Variants in NTAN1 observed in about 807,000 individuals in gnomAD.
NTAN1 encodes the protein N-terminal asparagine amidase.
In NTAN1, 32 loss-of-function variants were observed where a neutral mutation model predicts 41.9. That is an observed-to-expected ratio of 0.76 (90% CI 0.58 to 1.03). NTAN1 has a LOEUF of 1.03. Ranked by LOEUF, NTAN1 falls within the 50% of genes least tolerant of loss-of-function variation. The pLI is 0.00. For missense variants in NTAN1, 377 were observed against 377.5 expected (o/e 1.00, Z 0.01); for synonymous variants, 140 against 139.5 (o/e 1.00, Z -0.03).
At position 15,038,627 on chromosome 16, in the gene NTAN1, G is replaced by A; in HGVS notation, c.700C>T (p.Pro234Ser). Residue 234 changes from proline (P) to serine (S), a missense_variant, in exon 9 of 10, where the codon CCA becomes TCA. Pro to Ser is a moderately conservative substitution (Grantham distance 74). Transcript: ENST00000287706. Reference protein sequence around the residue: ...QLRIGPYSWTPFPHVDFWLHQ... With the variant: ...QLRIGPYSWTSFPHVDFWLHQ... ...AACCAGAAATCCACATGTGGAAATGGTGTCCAGGAGTACGGTCCTATACGA... is the reference window on the plus strand; with the variant it reads ...AACCAGAAATCCACATGTGGAAATGATGTCCAGGAGTACGGTCCTATACGA... 1 of 1,610,254 alleles carries A rather than the reference G, an allele frequency of 6.2e-7. No individual in the cohort carries two copies.
chr16:15,038,873 G>A (rs1211172767), intron 8 of NTAN1, among the ~76,000 whole-genome samples, 186 bp from the exon 9 acceptor site: 1 of 152,162 alleles, frequency 6.6e-6, no homozygotes, highest in Non-Finnish European at 1.5e-5. Context: ...TGCACACTGT[G>A]GGGCACGCAC....
Position 15,047,495 on chromosome 16 carries a change from G to T in NTAN1, c.306C>A (p.Val102=). The T allele has an allele frequency of 1.2e-6, 2 of 1,614,058 alleles. No homozygotes were observed. Among genetic ancestry groups the T allele is most frequent in the Non-Finnish European group, 1.7e-6 (2 of 1,179,902 alleles). ...ATTTTATGGAGTTCATGATCAAGGG[G>T]ACCTCAGCTTTGGTGTCGGTTCCGT... ...HCDGTDTKAE[V]PLIMNSIKSF... is the part of the protein sequence containing the mutation. Residue 102 remains valine, a synonymous_variant, in exon 4 of 10, where the codon GTC becomes GTA. Transcript: ENST00000287706.
rs745545400 is a variant in NTAN1 at position 15,048,378 on chromosome 16, T to TTTTG, written c.82-283_82-280dup. Among the ~76,000 whole-genome samples the TTTTG allele has an allele frequency of 5.3e-5, 8 of 152,236 alleles. No individual in the cohort carries two copies. In the Middle Eastern group the frequency reaches 0.01, roughly 196 times the overall value. ...GATGCAAAAATCCTTTATTATAGTT[T>TTTTG]TTTGTTTGTTTGTTTGTTTTTTAAA... On this transcript the variant is annotated intron_variant, in intron 1 of 9. Transcript: ENST00000287706.
chr16:15,055,840 T>G lies in NTAN1; in HGVS notation c.81+51A>C, dbSNP rs1036699043. 5 of 1,020,652 alleles carry G rather than the reference T, an allele frequency of 4.9e-6. No homozygotes were observed. The African/African-American group carries it at 8.3e-5, about 17-fold the overall frequency. The allele number at this position is 1,020,652 out of a possible 1,614,324, so 63.2% of individuals were successfully genotyped here. On this transcript the variant is annotated intron_variant, in intron 1 of 9. Coordinates refer to ENST00000287706, the MANE Select transcript of NTAN1 (RefSeq NM_173474.4). ...GCGTGAGGGGGGCGCTAGCCCGCCC[T>G]GCAGCTTCCCCTCGGGCCCGCCCCG... is the stretch of plus-strand genomic sequence containing the variant.
At chr16:15,040,995 T>G in intron 7 of NTAN1, 73 bp downstream of exon 7, 1 of 1,018,206 alleles carries the variant, frequency 9.8e-7, no homozygotes, top group Non-Finnish European at 1.6e-6. Flanking sequence ...AGTGGGGTCA[T>G]TGGTTTGCTG....
Position 15,055,872 on chromosome 16 carries a change from C to G in NTAN1, c.81+19G>C, listed in dbSNP as rs1324535697. On this transcript the variant is annotated intron_variant, in intron 1 of 9. Transcript: ENST00000287706. Reference sequence around the variant, plus strand: ...TCCCCTCGGGCCCGCCCCGAAGCCCCGCGCCGCGCCCCACTCACCTCCAAA... The same window carrying G: ...TCCCCTCGGGCCCGCCCCGAAGCCCGGCGCCGCGCCCCACTCACCTCCAAA... 1 of 1,212,586 alleles carries G rather than the reference C, an allele frequency of 8.2e-7. No homozygotes were observed. 75.1% of individuals were successfully genotyped at this position (1,212,586 alleles called of 1,614,324 possible).
intron 8 of NTAN1, 43 bp downstream of exon 8, chr16:15,039,926 C>CTT (rs34345533): frequency 2.0e-3 from 1,977 of 1,006,952 alleles, no homozygotes; most frequent in Admixed American, 2.6e-3. Flanking sequence ...CATTTGATGC[C>CTT]TTTTTTTTTT....
At chr16:15,051,478 T>G (rs1236024409) in intron 1 of NTAN1, among the ~76,000 whole-genome samples, 6 of 149,982 alleles carry the variant, frequency 4.0e-5, no homozygotes, top group Non-Finnish European at 8.9e-5. Flanking sequence ...CCCAAGGAGC[T>G]GGGAACTACA....
chr16:15,053,271 T>C (rs1045575732), intron 1 of NTAN1, among the ~76,000 whole-genome samples: 4 of 152,212 alleles, frequency 2.6e-5, no homozygotes, highest in African/African-American at 9.6e-5. Context: ...TTTCCCAGCC[T>C]CTCTGTGCCC....
intron 1 of NTAN1, among the ~76,000 whole-genome samples, chr16:15,049,156 A>C (rs1019430650): frequency 4.7e-5 from 7 of 150,108 alleles, no homozygotes; most frequent in Non-Finnish European, 1.0e-4. Flanking sequence ...GGCCTCCCAA[A>C]GTGCTGGGAG....
chr16:15,039,937 TAAC>T, intron 8 of NTAN1, 29 bp downstream of exon 8: 1 of 1,267,728 alleles, frequency 7.9e-7, no homozygotes, highest in Non-Finnish European at 1.1e-6. Flanking sequence ...TTTTTTTTTT[TAAC>T]CCCTTAACAA....
At chr16:15,047,315 T>C (rs865947142) in intron 4 of NTAN1, 127 bp downstream of exon 4, 2 of 695,060 alleles carry the variant, frequency 2.9e-6, no homozygotes, top group Non-Finnish European at 5.2e-6. Context: ...CCAGGTTCTG[T>C]TCCAGGGGAA....
chr16:15,041,956 G>T (rs2043835671), intron 5 of NTAN1, among the ~76,000 whole-genome samples: 1 of 152,144 alleles, frequency 6.6e-6, no homozygotes, highest in South Asian at 2.1e-4. Flanking sequence ...GAGTTTTGCG[G>T]GGACCCATGG....
At position 15,040,050 on chromosome 16, in the gene NTAN1, AGTCTTAATGTT is replaced by A; in HGVS notation, c.547_557del (p.Asn183CysfsTer30). The A allele has an allele frequency of 6.2e-7, 1 of 1,605,836 alleles. No homozygotes were observed. On this transcript the variant is annotated frameshift_variant, in exon 8 of 10. Transcript: ENST00000287706. LOFTEE classifies it high-confidence loss of function. Reference sequence around the variant, plus strand: ...GAAAGGATGCTCTGTAAATCTCTGCAGTCTTAATGTTGACAGCTGTGAGGGACAACAGGATG... The same window carrying A: ...GAAAGGATGCTCTGTAAATCTCTGCAGACAGCTGTGAGGGACAACAGGATG...
chr16:15,048,253 C>T (rs1347783660), intron 1 of NTAN1, among the ~76,000 whole-genome samples, 154 bp from the exon 2 acceptor site: 1 of 152,238 alleles, frequency 6.6e-6, no homozygotes. Context: ...AAAAAGGCAG[C>T]AGCCACGGTC....
At chr16:15,040,889 G>T (rs1316707993) in intron 7 of NTAN1, among the ~76,000 whole-genome samples, 179 bp downstream of exon 7, 1 of 152,114 alleles carries the variant, frequency 6.6e-6, no homozygotes, top group African/African-American at 2.4e-5. Flanking sequence ...AGTTTTATAG[G>T]TAAAGCTTAG....
intron 5 of NTAN1, among the ~76,000 whole-genome samples, chr16:15,042,369 AG>A (rs1173116797): frequency 6.6e-6 from 1 of 151,472 alleles, no homozygotes; most frequent in African/African-American, 2.4e-5. Flanking sequence ...TATTTTCAGT[AG>A]AGACAGATGG....
chr16:15,047,084 G>A (rs957785266), intron 4 of NTAN1: 8 of 282,322 alleles, frequency 2.8e-5, no homozygotes, highest in African/African-American at 1.5e-4. Flanking sequence ...AGGTGTAGGT[G>A]AGAGGAAGCA....
chr16:15,039,918 T>G (rs775797408), intron 8 of NTAN1, 51 bp downstream of exon 8: 12 of 1,049,840 alleles, frequency 1.1e-5, no homozygotes, highest in East Asian at 4.8e-5. Context: ...GGCCTTGACA[T>G]TTGATGCCTT....
Sources: gnomAD v4.1 joint callset for allele counts (sites outside exome capture counted in the v4.1 genomes callset) on GRCh38, gnomAD v4.1.1 for gene constraint, MANE v1.5 for transcripts, NCBI Gene and HGNC (gene_info 2026-07-23, HGNC 2026-07-21) for gene names.